Variants in TSPAN3 observed in about 807,000 individuals in gnomAD.
TSPAN3 encodes tetraspanin-3.
Under a neutral mutation model 31.1 loss-of-function variants are expected in TSPAN3, and 9 were observed. The observed-to-expected ratio is 0.29, with a 90% CI of 0.17 to 0.50. The LOEUF is 0.50. Ranked by LOEUF, TSPAN3 falls within the 20% of genes least tolerant of loss-of-function variation. The probability of loss-of-function intolerance (pLI) is 0.98; values close to 1 mark genes in which losing one functional copy is unlikely to be tolerated. For missense variants in TSPAN3, 252 were observed against 313.5 expected, an observed-to-expected ratio of 0.80 and a Z score of 1.48; for synonymous variants, 129 against 114.3, an observed-to-expected ratio of 1.13 and a Z score of -0.82.
At chr15:77,057,488 T>G (rs1271923555) in intron 1 of TSPAN3, among the ~76,000 whole-genome samples, 1 of 152,224 alleles carries the variant, frequency 6.6e-6, no homozygotes, top group Non-Finnish European at 1.5e-5. Flanking sequence ...TTAGGATCAC[T>G]GTCAGATGAG....
rs755204868 is a variant in TSPAN3, at chr15:77,055,787, A to T, written c.330+2T>A. ...TTATGTGAATTACAGTAGACAACAT[A>T]CCTTTGCTCTGTAAACATATCCCAA... is the stretch of plus-strand genomic sequence containing the variant. On this transcript the variant is annotated splice_donor_variant, in intron 3 of 6. Transcript: ENST00000267970. LOFTEE classifies it high-confidence loss of function. The T allele has an allele frequency of 6.2e-7, 1 of 1,602,438 alleles. No homozygotes were observed.
intron 1 of TSPAN3, chr15:77,068,130 C>T (rs1002582060): frequency 6.6e-6 from 1 of 152,170 alleles, no homozygotes; most frequent in Non-Finnish European, 1.5e-5. Flanking sequence ...CACAGTTAGT[C>T]CACAAACTAA....
Position 77,042,793 on chromosome 15 carries a change from T to C in TSPAN3, c.*4042A>G, listed in dbSNP as rs756051838. ...AGAGTCTCATGAGGAACAGGGTATG[T>C]ACATGGAGACAGTGTGTCTCCAGAG... On this transcript the variant is annotated 3_prime_UTR_variant, in exon 7 of 7. Coordinates refer to ENST00000267970, the MANE Select transcript of TSPAN3 (RefSeq NM_005724.6). 1 of 152,010 alleles carries C rather than the reference T, an allele frequency of 6.6e-6. No homozygotes were observed. The highest frequency in any genetic ancestry group is 1.5e-5 in the Non-Finnish European group (1 of 68,000). The allele number at this position is 152,010 out of a possible 1,614,324, so 9.4% of individuals were successfully genotyped here.
At chr15:77,067,776 T>A (rs1365065147) in intron 1 of TSPAN3, 1 of 152,240 alleles carries the variant, frequency 6.6e-6, no homozygotes, top group African/African-American at 2.4e-5. Context: ...CAAAGTGTCA[T>A]GTAAATTCTG....
chr15:77,056,086 T>C lies in TSPAN3; in HGVS notation c.233A>G (p.Glu78Gly). ...GLIGCCATIRESRCGLATFVI... is the reference protein window; with the variant it reads ...GLIGCCATIRGSRCGLATFVI... The stretch of plus-strand genomic sequence containing the variant: ...TACCGTGGCAAGTCCACAGCGACTT[T>C]CCCGGATTGTGGCACAGCAGCCAAT... The change falls in exon 2 of 7, where the codon GAA (glutamate) becomes GGA (glycine). Residue 78 changes from glutamate to glycine, a missense_variant. Coordinates refer to ENST00000267970, the MANE Select transcript of TSPAN3 (RefSeq NM_005724.6). 6.2e-7 allele frequency: 1 copy of C among 1,610,408 alleles called. No homozygotes were observed. Among genetic ancestry groups the C allele is most frequent in the Non-Finnish European group, 8.5e-7 (1 of 1,178,636 alleles).
chr15:77,066,178 C>T (rs994597301), intron 1 of TSPAN3, among the ~76,000 whole-genome samples: 6 of 152,150 alleles, frequency 3.9e-5, no homozygotes, highest in Non-Finnish European at 7.3e-5. Flanking sequence ...TTGTTTTAGA[C>T]GAGCCCTCTT....
At chr15:77,069,824 G>A (rs2076855734) in intron 1 of TSPAN3, 1 of 152,380 alleles carries the variant, frequency 6.6e-6, no homozygotes, top group African/African-American at 2.4e-5. Flanking sequence ...TTCAAGGAGT[G>A]CTCTGGCGAC....
chr15:77,070,870 C>A, intron 1 of TSPAN3, 22 bp downstream of exon 1: 2 of 1,318,394 alleles, frequency 1.5e-6, no homozygotes, highest in Non-Finnish European at 2.0e-6. Flanking sequence ...GCCGGCCCCT[C>A]GCTCTGCCCG....
chr15:77,068,035 G>A (rs1218519631), intron 1 of TSPAN3: 1 of 152,164 alleles, frequency 6.6e-6, no homozygotes, highest in African/African-American at 2.4e-5. Context: ...AAGCTGTGAG[G>A]ATATGCCATG....
chr15:77,055,791 T>C lies in TSPAN3; in HGVS notation c.328A>G (p.Lys110Glu). 6.2e-7 allele frequency: 1 copy of C among 1,606,704 alleles called. No individual in the cohort carries two copies. The highest frequency in any genetic ancestry group is 1.1e-5 in the South Asian group (1 of 88,748). The part of the protein sequence containing the change: ...VVVLGYVYRA[K>E]VENEVDRSIQ... ...GTGAATTACAGTAGACAACATACCT[T>C]TGCTCTGTAAACATATCCCAAAACC... The change falls in exon 3 of 7, where the codon AAG (lysine) becomes GAG (glutamate). Residue 110 changes from lysine (K) to glutamate (E), a missense_variant and splice_region_variant. By Grantham distance (56) the Lys-to-Glu change is moderately conservative. Coordinates refer to ENST00000267970, the MANE Select transcript of TSPAN3 (RefSeq NM_005724.6).
intron 1 of TSPAN3, chr15:77,063,863 G>C (rs1015842567): frequency 6.6e-6 from 1 of 152,174 alleles, no homozygotes; most frequent in Non-Finnish European, 1.5e-5. Flanking sequence ...GAGGTTATCT[G>C]AGAAGCCTGA....
Position 77,046,852 on chromosome 15 carries a change from C to A in TSPAN3, c.745G>T (p.Gly249Cys). 6.3e-7 allele frequency: 1 copy of A among 1,592,548 alleles called. No individual in the cohort carries two copies. The highest frequency in any genetic ancestry group is 8.6e-7 in the Non-Finnish European group (1 of 1,166,814). ...GTTGTCAACTATGCATAGGTTCCGC[C>A]AGTGATGAGGAGCTCGTAAGCAGGA... Reference protein sequence around the residue: ...RDPAYELLITGGTYA With the variant: ...RDPAYELLITCGTYA The change falls in exon 7 of 7, where the codon GGC (glycine) becomes TGC (cysteine). Residue 249 changes from glycine to cysteine, a missense_variant. By Grantham distance (159) the Gly-to-Cys change is radical (BLOSUM62 -3). Transcript: ENST00000267970.
intron 1 of TSPAN3, among the ~76,000 whole-genome samples, chr15:77,066,248 A>G (rs2076832047): frequency 6.6e-6 from 1 of 152,240 alleles, no homozygotes; most frequent in Non-Finnish European, 1.5e-5. Context: ...ACAAAGGTGC[A>G]GTTTACAGAA....
intron 6 of TSPAN3, 78 bp downstream of exon 6, chr15:77,052,307 A>AT: frequency 8.1e-7 from 1 of 1,238,988 alleles, no homozygotes; most frequent in East Asian, 2.3e-5. Context: ...ATTCACTGTG[A>AT]TGGGGATTAA....
In TSPAN3 at chr15:77,052,914, T is replaced by A; in HGVS notation, c.448A>T (p.Ile150Phe). 6.2e-7 allele frequency: 1 copy of A among 1,613,746 alleles called. No individual in the cohort carries two copies. The highest frequency in any genetic ancestry group is 8.5e-7 in the Non-Finnish European group (1 of 1,179,806). ...YVQRQLHCCG[I>F]HNYSDWENTD... ...TTTTCCCAGTCTGAGTAGTTGTGAA[T>A]TCCACAACAATGCAGCTAAAGGAGA... is the stretch of plus-strand genomic sequence containing the variant. The change falls in exon 5 of 7, where the codon ATT becomes TTT. Residue 150 changes from isoleucine to phenylalanine, a missense_variant. By Grantham distance (21) the Ile-to-Phe change is conservative. Transcript: ENST00000267970.
chr15:77,056,675 T>C (rs1278638612), intron 1 of TSPAN3, among the ~76,000 whole-genome samples: 3 of 151,504 alleles, frequency 2.0e-5, no homozygotes, highest in African/African-American at 7.3e-5. Flanking sequence ...TCAGGCAATC[T>C]GACTCCAGAA....
Position 77,045,606 on chromosome 15 carries a change from T to TTG in TSPAN3, c.*1227_*1228dup, listed in dbSNP as rs1333208823. The TTG allele has an allele frequency of 6.6e-6, 1 of 152,368 alleles. No individual in the cohort carries two copies. Among genetic ancestry groups the TTG allele is most frequent in the African/African-American group, 2.4e-5 (1 of 41,454 alleles). 9.4% of individuals were successfully genotyped at this position (152,368 alleles called of 1,614,324 possible). On this transcript the variant is annotated 3_prime_UTR_variant, in exon 7 of 7. Coordinates refer to ENST00000267970, the MANE Select transcript of TSPAN3 (RefSeq NM_005724.6). Reference sequence around the variant, plus strand: ...GCACACACAATTTTGTTTCACACTCTTGTGTACCATCTTTCAACAAAGCCT... The same window carrying TTG: ...GCACACACAATTTTGTTTCACACTCTTGTGTGTACCATCTTTCAACAAAGCCT...
intron 1 of TSPAN3, among the ~76,000 whole-genome samples, chr15:77,060,371 T>A (rs1026137848): frequency 6.6e-6 from 1 of 152,218 alleles, no homozygotes; most frequent in African/African-American, 2.4e-5. Context: ...GAAATGACAC[T>A]GGTTACTTTG....
chr15:77,057,877 T>C (rs1476644689), intron 1 of TSPAN3, among the ~76,000 whole-genome samples: 1 of 152,202 alleles, frequency 6.6e-6, no homozygotes, highest in Non-Finnish European at 1.5e-5. Context: ...TCCAGAGACA[T>C]GTCATCCTCA....
Sources: gnomAD v4.1 joint callset for allele counts (sites outside exome capture counted in the v4.1 genomes callset) on GRCh38, gnomAD v4.1.1 for gene constraint, MANE v1.5 for transcripts, NCBI Gene and HGNC (gene_info 2026-07-23, HGNC 2026-07-21) for gene names.